The following STRN variants were observed in gnomAD, a reference collection of about 807,000 sequenced individuals.
STRN encodes protein phosphatase 2 regulatory subunit B'''alpha.
In STRN, 53 loss-of-function variants were observed where a neutral mutation model predicts 96.3. The observed-to-expected ratio is 0.55, with a 90% confidence interval of 0.44 to 0.69. STRN has a LOEUF of 0.69. Among genes scored for constraint, STRN ranks in the 30% least tolerant of loss-of-function variants. The pLI, the probability that STRN is intolerant of heterozygous loss-of-function variation, is 0.00. For missense variants in STRN, 987 were observed against 963.9 expected, an observed-to-expected ratio of 1.02 and a Z score of -0.32; for synonymous variants, 428 against 355.9, an observed-to-expected ratio of 1.20 and a Z score of -2.28.
chr2:36,943,662 G>C (rs1000887693), intron 1 of STRN, among the ~76,000 whole-genome samples: 1 of 151,958 alleles, frequency 6.6e-6, no homozygotes, highest in Non-Finnish European at 1.5e-5. Context: ...AAATTAGCTG[G>C]GCGTGGTGGC....
chr2:36,921,484 C>T (rs931470954), intron 2 of STRN, among the ~76,000 whole-genome samples: 4 of 152,206 alleles, frequency 2.6e-5, no homozygotes, highest in Admixed American at 2.6e-4. Context: ...GATTCCCAAG[C>T]ATATATTTCT....
chr2:36,921,104 A>C (rs1670243031), intron 2 of STRN, among the ~76,000 whole-genome samples: 3 of 150,690 alleles, frequency 2.0e-5, no homozygotes, highest in Admixed American at 6.6e-5. Flanking sequence ...AATATAAGCA[A>C]CTCCATCTCT....
At chr2:36,960,584 T>C (rs928367843) in intron 1 of STRN, among the ~76,000 whole-genome samples, 1 of 151,440 alleles carries the variant, frequency 6.6e-6, no homozygotes, top group African/African-American at 2.4e-5. Flanking sequence ...CTTTAAATTA[T>C]CTTAATTTAA....
chr2:36,851,124 A>G lies in STRN; in HGVS notation c.1979-17T>C, dbSNP rs1202411827. 9 of 1,564,942 alleles carry G rather than the reference A, an allele frequency of 5.8e-6. No individual in the cohort carries two copies. In the South Asian group the frequency reaches 1.0e-4, roughly 17 times the overall value. On this transcript the variant is annotated splice_polypyrimidine_tract_variant and intron_variant, in intron 15 of 17. Coordinates refer to ENST00000263918, the MANE Select transcript of STRN (RefSeq NM_003162.4). ...AGTTGGCTGCTAAAAAGAAAAAATT[A>G]AAAAGCAACACAACTTAGTCAAAGA...
rs893625529 is a variant in STRN at position 36,841,354 on chromosome 2, A to G, written c.*8102T>C. The G allele has an allele frequency of 6.6e-6, 1 of 152,120 alleles. No homozygotes were observed. Among genetic ancestry groups the G allele is most frequent in the African/African-American group, 2.4e-5 (1 of 41,422 alleles). The allele number at this position is 152,120 out of a possible 1,614,324, so 9.4% of individuals were successfully genotyped here. ...AGCAAAATACTGAGACATTTACCAC[A>G]TAAGAAAGCATTCTTACATAGCAGT... On this transcript the variant is annotated 3_prime_UTR_variant, in exon 18 of 18. Transcript: ENST00000263918.
intron 1 of STRN, among the ~76,000 whole-genome samples, chr2:36,960,815 T>C (rs1438887651): frequency 2.0e-5 from 3 of 152,196 alleles, no homozygotes; most frequent in African/African-American, 7.2e-5. Context: ...ATGTTTTCCA[T>C]TAAAAAGCTC....
At position 36,950,665 on chromosome 2, in the gene STRN, G is replaced by C. The variant is rs1337536872; in HGVS notation, c.234+15565C>G. On this transcript the variant is annotated intron_variant, in intron 1 of 17. Coordinates refer to ENST00000263918, the MANE Select transcript of STRN (RefSeq NM_003162.4). ...TGGTATCCCCAGTGCCTAGGAGAAT[G>C]CCAGATTTCAGGAAGTGTCTAATGC... Among the ~76,000 whole-genome samples, 4 of 152,188 alleles carry C rather than the reference G, an allele frequency of 2.6e-5. No homozygotes were observed. The East Asian group carries it at 7.7e-4, about 29-fold the overall frequency.
chr2:36,935,370 T>C (rs1314041202), intron 1 of STRN, among the ~76,000 whole-genome samples: 2 of 152,238 alleles, frequency 1.3e-5, no homozygotes, highest in South Asian at 2.1e-4. Flanking sequence ...ATGAGACTTA[T>C]ATTAATGTTC....
intron 14 of STRN, among the ~76,000 whole-genome samples, chr2:36,857,634 T>C (rs1183795316): frequency 1.3e-5 from 2 of 152,044 alleles, no homozygotes; most frequent in African/African-American, 4.8e-5. Flanking sequence ...CACTCCAGCC[T>C]GGGCAACAGA....
At chr2:36,940,230 A>C (rs1303365347) in intron 1 of STRN, among the ~76,000 whole-genome samples, 3 of 150,872 alleles carry the variant, frequency 2.0e-5, no homozygotes, top group African/African-American at 7.5e-5. Context: ...TCGAAGGAAA[A>C]GTAATAGAAG....
chr2:36,934,065 C>T (rs1670641560), intron 1 of STRN, among the ~76,000 whole-genome samples: 1 of 151,980 alleles, frequency 6.6e-6, no homozygotes, highest in African/African-American at 2.4e-5. Context: ...GCAGAGATCA[C>T]GCCACTGCAC....
intron 1 of STRN, among the ~76,000 whole-genome samples, chr2:36,942,840 C>G (rs748198126): frequency 2.6e-5 from 4 of 151,988 alleles, no homozygotes; most frequent in Non-Finnish European, 5.9e-5. Context: ...GGATTACAGG[C>G]ACGCAACACC....
intron 3 of STRN, 148 bp from the exon 4 acceptor site, chr2:36,905,766 G>GT (rs1037821160): frequency 2.7e-5 from 17 of 620,124 alleles, no homozygotes; most frequent in Non-Finnish European, 3.9e-5. Flanking sequence ...TGTAAGTTCT[G>GT]TTTTTTAACT....
intron 3 of STRN, among the ~76,000 whole-genome samples, chr2:36,914,993 C>T (rs1359142713): frequency 6.6e-6 from 1 of 151,444 alleles, no homozygotes; most frequent in Non-Finnish European, 1.5e-5. Flanking sequence ...GTCAGGAGAT[C>T]GAGACCATCC....
intron 1 of STRN, among the ~76,000 whole-genome samples, chr2:36,930,841 T>C (rs1670555395): frequency 1.3e-5 from 2 of 152,010 alleles, no homozygotes; most frequent in Non-Finnish European, 1.5e-5. Context: ...TTAACCAGCC[T>C]GGCCAACATG....
intron 1 of STRN, among the ~76,000 whole-genome samples, chr2:36,944,194 T>TA (rs895264467): frequency 2.5e-4 from 38 of 152,290 alleles, no homozygotes; most frequent in African/African-American, 8.9e-4. Flanking sequence ...ATACAGATGT[T>TA]AGAGTTAAAT....
At chr2:36,909,915 G>A (rs562932537) in intron 3 of STRN, among the ~76,000 whole-genome samples, 5 of 152,286 alleles carry the variant, frequency 3.3e-5, no homozygotes, top group African/African-American at 7.2e-5. Context: ...GCTCACGCCT[G>A]TAATCCCAGC....
chr2:36,880,238 G>C (rs1669032766), intron 9 of STRN, among the ~76,000 whole-genome samples: 2 of 152,200 alleles, frequency 1.3e-5, no homozygotes, highest in Non-Finnish European at 2.9e-5. Flanking sequence ...AAAGTGTTGG[G>C]ATTACAGGCG....
intron 12 of STRN, among the ~76,000 whole-genome samples, chr2:36,862,800 T>C (rs1028001859): frequency 2.0e-5 from 3 of 151,840 alleles, no homozygotes; most frequent in South Asian, 4.2e-4. Flanking sequence ...AGTGGCGCGA[T>C]CTTGGCTCAC....
Sources: allele counts gnomAD v4.1 joint callset (sites outside exome capture counted in the v4.1 genomes callset), GRCh38; gene constraint gnomAD v4.1.1; transcripts MANE v1.5; gene names NCBI Gene and HGNC (gene_info 2026-07-23, HGNC 2026-07-21).